Variants in DLG2 observed in about 807,000 individuals in gnomAD.
The protein encoded by DLG2 is disks large homolog 2.
In DLG2, 45 loss-of-function variants were observed where a neutral mutation model predicts 132.5. That is an observed-to-expected ratio of 0.34 (90% CI 0.27 to 0.44). The LOEUF is 0.44. Ranked by LOEUF, DLG2 falls within the 20% of genes least tolerant of loss-of-function variation. The pLI, the probability that DLG2 is intolerant of heterozygous loss-of-function variation, is 1.00. For synonymous variants in DLG2, 424 were observed against 419.6 expected (o/e 1.01, Z -0.13); for missense variants, 1,045 against 1,196.9 (o/e 0.87, Z 1.87).
chr11:84,097,470 T>C (rs1412732269), intron 10 of DLG2, among the ~76,000 whole-genome samples: 1 of 152,106 alleles, frequency 6.6e-6, no homozygotes, highest in Non-Finnish European at 1.5e-5. Context: ...CACCCCCCAC[T>C]CCACAGCTCT....
At chr11:83,960,435 A>G (rs2088304046) in intron 14 of DLG2, among the ~76,000 whole-genome samples, 1 of 152,114 alleles carries the variant, frequency 6.6e-6, no homozygotes, top group Non-Finnish European at 1.5e-5. Flanking sequence ...GACTAACAAA[A>G]AGTTGCCAAT....
chr11:83,755,539 A>G (rs952143598), intron 18 of DLG2, among the ~76,000 whole-genome samples: 1 of 151,388 alleles, frequency 6.6e-6, no homozygotes, highest in Non-Finnish European at 1.5e-5. Context: ...CCCAGACTCA[A>G]AAAACACTGT....
intron 17 of DLG2, among the ~76,000 whole-genome samples, chr11:83,821,701 TAA>T (rs1311267133): frequency 3.3e-5 from 5 of 152,154 alleles, no homozygotes; most frequent in African/African-American, 4.8e-5. Context: ...AATAAATCAA[TAA>T]GAGATATTCA....
intron 17 of DLG2, among the ~76,000 whole-genome samples, chr11:83,815,537 GA>G (rs1430285845): frequency 6.6e-6 from 1 of 152,166 alleles, no homozygotes; most frequent in African/African-American, 2.4e-5. Flanking sequence ...CTGGGGCCAA[GA>G]AAATTTACTC....
chr11:85,402,813 A>G (rs1339985001), intron 3 of DLG2, among the ~76,000 whole-genome samples: 14 of 152,196 alleles, frequency 9.2e-5, no homozygotes, highest in Admixed American at 9.2e-4. Context: ...CGCCAGTTAG[A>G]ATGTCGATCA....
intron 7 of DLG2, chr11:84,316,691 T>A: frequency 4.0e-6 from 4 of 990,116 alleles, no homozygotes; most frequent in South Asian, 1.8e-5. Flanking sequence ...AAATGACAGG[T>A]TTTTCTTGGC....
chr11:84,181,050 A>ATTTT (rs1213773753), intron 8 of DLG2, among the ~76,000 whole-genome samples: 5 of 152,034 alleles, frequency 3.3e-5, no homozygotes, highest in Non-Finnish European at 4.4e-5. Flanking sequence ...TCTAACAGAT[A>ATTTT]ACAGTTTGTT....
chr11:84,308,648 G>C (rs569918470), intron 7 of DLG2, among the ~76,000 whole-genome samples: 131 of 152,298 alleles, frequency 8.6e-4, no homozygotes, highest in Middle Eastern at 3.4e-3. Context: ...CTCACGGAGT[G>C]GGGGAGGCTC....
At chr11:84,000,792 C>A (rs1241920199) in intron 11 of DLG2, among the ~76,000 whole-genome samples, 1 of 152,062 alleles carries the variant, frequency 6.6e-6, no homozygotes, top group Non-Finnish European at 1.5e-5. Flanking sequence ...AAAATAAAGT[C>A]TTTTACAAAG....
intron 10 of DLG2, among the ~76,000 whole-genome samples, chr11:84,079,728 G>T (rs1047461326): frequency 2.6e-5 from 4 of 151,518 alleles, no homozygotes; most frequent in Non-Finnish European, 4.4e-5. Context: ...CTTTCAAAAG[G>T]ATAAAGAATA....
intron 6 of DLG2, among the ~76,000 whole-genome samples, chr11:84,967,351 T>C (rs2154112728): frequency 6.6e-6 from 1 of 152,156 alleles, no homozygotes; most frequent in East Asian, 1.9e-4. Context: ...CCACAAGCCC[T>C]AGAAAGGTCA....
intron 8 of DLG2, among the ~76,000 whole-genome samples, chr11:84,238,048 A>T (rs2097181095): frequency 6.6e-6 from 1 of 150,582 alleles, no homozygotes; most frequent in East Asian, 1.9e-4. Context: ...TGCCTAAAAA[A>T]AAAAAAAAAA....
At chr11:83,873,193 T>C (rs891540416) in intron 16 of DLG2, among the ~76,000 whole-genome samples, 2 of 152,164 alleles carry the variant, frequency 1.3e-5, no homozygotes, top group African/African-American at 4.8e-5. Context: ...TCTATACAAG[T>C]ACACTTGGGA....
chr11:84,876,967 T>C (rs1398117465), intron 6 of DLG2, among the ~76,000 whole-genome samples: 1 of 152,320 alleles, frequency 6.6e-6, no homozygotes, highest in East Asian at 1.9e-4. Context: ...GAGCAGGTTG[T>C]TCAGTTTCTA....
intron 6 of DLG2, among the ~76,000 whole-genome samples, chr11:84,633,499 C>T (rs1037042145): frequency 3.9e-5 from 6 of 152,176 alleles, no homozygotes; most frequent in African/African-American, 9.6e-5. Flanking sequence ...CTCCAAGAAA[C>T]ATTTCTTGAC....
intron 3 of DLG2, among the ~76,000 whole-genome samples, chr11:85,588,821 C>G (rs1446017751): frequency 6.6e-6 from 1 of 152,132 alleles, no homozygotes; most frequent in East Asian, 1.9e-4. Context: ...AAATCTGGAA[C>G]TCAAGGGCTG....
intron 16 of DLG2, among the ~76,000 whole-genome samples, chr11:83,845,419 G>C (rs1346131977): frequency 6.6e-6 from 1 of 152,168 alleles, no homozygotes; most frequent in African/African-American, 2.4e-5. Context: ...GAAGGATGCA[G>C]TATAATGTGT....
At chr11:85,385,454 A>C (rs2086247504) in intron 3 of DLG2, among the ~76,000 whole-genome samples, 1 of 152,172 alleles carries the variant, frequency 6.6e-6, no homozygotes, top group Non-Finnish European at 1.5e-5. Context: ...AGGATGAATA[A>C]ATAGAAACTA....
intron 6 of DLG2, among the ~76,000 whole-genome samples, chr11:84,990,475 T>A (rs1396220389): frequency 6.6e-6 from 1 of 152,066 alleles, no homozygotes. Context: ...AAACAGAAAA[T>A]GAGCCTTCAT....
Sources: gnomAD v4.1 joint callset for allele counts (sites outside exome capture counted in the v4.1 genomes callset) on GRCh38, gnomAD v4.1.1 for gene constraint, MANE v1.5 for transcripts, NCBI Gene and HGNC (gene_info 2026-07-23, HGNC 2026-07-21) for gene names.